The following MNS1 variants were observed in gnomAD, a reference collection of about 807,000 sequenced individuals.
MNS1 encodes meiosis specific nuclear structural 1.
In MNS1, 63 loss-of-function variants were observed where a neutral mutation model predicts 72.0. The ratio of observed to expected loss-of-function variants is 0.87; its 90% CI spans 0.71 to 1.08. MNS1 has a LOEUF of 1.08. MNS1 is among the 50% of genes least tolerant of loss of function. The probability of loss-of-function intolerance (pLI) is 0.00; values close to 1 mark genes in which losing one functional copy is unlikely to be tolerated. For synonymous variants in MNS1, 188 were observed against 172.1 expected (o/e 1.09, Z -0.72); for missense variants, 604 against 562.4 (o/e 1.07, Z -0.75).
intron 2 of MNS1, among the ~76,000 whole-genome samples, chr15:56,457,382 G>A (rs116911145): frequency 3.3e-5 from 5 of 152,274 alleles, no homozygotes; most frequent in Non-Finnish European, 7.4e-5. Context: ...GAATTGCAAG[G>A]AGATATTACT....
chr15:56,429,677 A>G (rs3817406), intron 9 of MNS1: 53,227 of 152,154 alleles, frequency 0.35, 10,682 homozygotes, highest in Non-Finnish European at 0.45. Flanking sequence ...ACCCTTTGGA[A>G]TTCTTCACTG....
At chr15:56,435,533 A>G (rs2050707712) in intron 7 of MNS1, among the ~76,000 whole-genome samples, 1 of 152,054 alleles carries the variant, frequency 6.6e-6, no homozygotes, top group Non-Finnish European at 1.5e-5. Context: ...ATACAGGAAT[A>G]CTACAAATTA....
intron 7 of MNS1, among the ~76,000 whole-genome samples, chr15:56,434,995 GA>G (rs1249089125): frequency 1.3e-5 from 2 of 151,922 alleles, no homozygotes; most frequent in Admixed American, 6.6e-5. Flanking sequence ...ATTTTATTAT[GA>G]AAAATTTCAT....
intron 7 of MNS1, among the ~76,000 whole-genome samples, chr15:56,442,427 A>G (rs1429183895): frequency 6.6e-6 from 1 of 152,206 alleles, no homozygotes; most frequent in African/African-American, 2.4e-5. Context: ...TACCATAATG[A>G]CACATGCATG....
chr15:56,450,268 T>G (rs1463411903), intron 3 of MNS1, among the ~76,000 whole-genome samples: 4 of 152,218 alleles, frequency 2.6e-5, no homozygotes, highest in Non-Finnish European at 5.9e-5. Flanking sequence ...AAAATATATG[T>G]AACAAAAATT....
In MNS1 at chr15:56,434,298, T is replaced by C; in HGVS notation, c.1109A>G (p.Glu370Gly). The change falls in exon 8 of 10, where the codon GAG (glutamate) becomes GGG (glycine). Residue 370 changes from glutamate (E) to glycine (G), a missense_variant. Coordinates refer to ENST00000260453, the MANE Select transcript of MNS1 (RefSeq NM_018365.4). The stretch of plus-strand genomic sequence containing the variant: ...AGTTTTTCTAAAGTTCTCCTCTTCC[T>C]CTTTTGCAGCCTGTAGCACTAATTC... ...LKELVLQAAK[E>G]EEENFRKTML... 6.2e-7 allele frequency: 1 copy of C among 1,613,970 alleles called. No individual in the cohort carries two copies. The highest frequency in any genetic ancestry group is 8.5e-7 in the Non-Finnish European group (1 of 1,179,936).
chr15:56,435,178 C>A (rs3848113), intron 7 of MNS1, among the ~76,000 whole-genome samples: 10,431 of 151,912 alleles, frequency 0.069, 445 homozygotes, highest in Non-Finnish European at 0.1. Flanking sequence ...TAAATGGATA[C>A]ATTTAGGAAA....
At position 56,443,796 on chromosome 15, in the gene MNS1, G is replaced by T; in HGVS notation, c.745C>A (p.Gln249Lys). The T allele has an allele frequency of 6.2e-7, 1 of 1,612,452 alleles. No homozygotes were observed. Among genetic ancestry groups the T allele is most frequent in the Non-Finnish European group, 8.5e-7 (1 of 1,179,450 alleles). The stretch of plus-strand genomic sequence containing the variant: ...TTTCTCCAGAGAGCCTGCTCTTTCT[G>T]AAACTCTTCTATATACCTTCGCATT... ...NAMRRYIEEF[Q>K]KEQALWRKKK... Residue 249 changes from glutamine (Q) to lysine (K), a missense_variant, in exon 6 of 10, where the codon CAG (glutamine) becomes AAG (lysine). Physicochemically the swap from Gln to Lys is moderately conservative, Grantham distance 53 (BLOSUM62 1). Transcript: ENST00000260453.
At chr15:56,433,273 A>G (rs1423128085) in intron 8 of MNS1, among the ~76,000 whole-genome samples, 6 of 151,176 alleles carry the variant, frequency 4.0e-5, no homozygotes, top group Middle Eastern at 3.2e-3. Context: ...GGGGGGGACA[A>G]GGGGAAGGGA....
chr15:56,455,247 G>GA (rs56339584), intron 3 of MNS1, among the ~76,000 whole-genome samples: 6,526 of 82,532 alleles, frequency 0.079, 226 homozygotes, highest in Non-Finnish European at 0.11. Context: ...ATCGTCAGGT[G>GA]AAAAAAAAAA....
intron 2 of MNS1, among the ~76,000 whole-genome samples, chr15:56,463,358 G>A (rs2051034674): frequency 6.6e-6 from 1 of 151,938 alleles, no homozygotes; most frequent in Admixed American, 6.6e-5. Flanking sequence ...TCATATTTAT[G>A]TTAAAAAAAA....
At chr15:56,459,781 G>T (rs1448847389) in intron 2 of MNS1, among the ~76,000 whole-genome samples, 1 of 150,930 alleles carries the variant, frequency 6.6e-6, no homozygotes, top group Non-Finnish European at 1.5e-5. Context: ...ATCTTAGGTT[G>T]GGAGTTGGAG....
chr15:56,444,379 A>G, intron 5 of MNS1, 65 bp downstream of exon 5: 1 of 1,399,076 alleles, frequency 7.1e-7, no homozygotes, highest in Non-Finnish European at 9.7e-7. Flanking sequence ...TCAGTTCCTC[A>G]CAACAAACCT....
chr15:56,436,580 A>T (rs367717400), intron 7 of MNS1, among the ~76,000 whole-genome samples: 1 of 152,188 alleles, frequency 6.6e-6, no homozygotes, highest in African/African-American at 2.4e-5. Flanking sequence ...TTCAAAAGCT[A>T]GCAGAAGGCA....
intron 7 of MNS1, among the ~76,000 whole-genome samples, chr15:56,438,860 C>G (rs993523439): frequency 6.6e-6 from 1 of 152,140 alleles, no homozygotes; most frequent in African/African-American, 2.4e-5. Flanking sequence ...CAAAAGAAGA[C>G]ATTTATGCAG....
chr15:56,457,429 C>T (rs1371431142), intron 2 of MNS1, among the ~76,000 whole-genome samples: 1 of 152,110 alleles, frequency 6.6e-6, no homozygotes, highest in African/African-American at 2.4e-5. Flanking sequence ...AAAAACAGTG[C>T]CAACACCAGA....
At chr15:56,441,452 AT>A (rs1462836946) in intron 7 of MNS1, among the ~76,000 whole-genome samples, 4 of 152,170 alleles carry the variant, frequency 2.6e-5, no homozygotes, top group Admixed American at 2.6e-4. Flanking sequence ...TAGTCTATAG[AT>A]TAATGAGAAC....
rs2050462119 is a variant in MNS1, at chr15:56,428,942, T to G, written c.*159A>C. On this transcript the variant is annotated 3_prime_UTR_variant, in exon 10 of 10. Coordinates refer to ENST00000260453, the MANE Select transcript of MNS1 (RefSeq NM_018365.4). ...AATAACAGCTTGATTAAAATTAATT[T>G]GTATCTGATAATTGTTTACAAGTTA... is the stretch of plus-strand genomic sequence containing the variant. 2 of 551,240 alleles carry G rather than the reference T, an allele frequency of 3.6e-6. No homozygotes were observed. Among genetic ancestry groups the G allele is most frequent in the Non-Finnish European group, 3.2e-6 (1 of 317,344 alleles). 34.1% of individuals were successfully genotyped at this position (551,240 alleles called of 1,614,324 possible). A position where few individuals can be genotyped will look rare whatever the true frequency, so the allele number is the denominator to read the frequency against.
chr15:56,450,065 T>C (rs1432652637), intron 3 of MNS1, among the ~76,000 whole-genome samples: 1 of 152,204 alleles, frequency 6.6e-6, no homozygotes, highest in South Asian at 2.1e-4. Context: ...ATCTTTATTA[T>C]TGCCTTCCTC....
Sources: allele counts gnomAD v4.1 joint callset (sites outside exome capture counted in the v4.1 genomes callset), GRCh38; gene constraint gnomAD v4.1.1; transcripts MANE v1.5; gene names NCBI Gene and HGNC (gene_info 2026-07-23, HGNC 2026-07-21).